TRHDE: variants seen among roughly 807,000 people sequenced by gnomAD.
TRHDE encodes thyrotropin-releasing hormone-degrading ectoenzyme.
A neutral mutation model predicts 125.7 loss-of-function variants in TRHDE; 72 were observed. The observed-to-expected ratio is 0.57, with a 90% CI of 0.47 to 0.70. The LOEUF (loss-of-function observed/expected upper bound fraction) is 0.70. TRHDE is among the 30% of genes least tolerant of loss of function. The pLI is 0.00. For synonymous variants in TRHDE, 509 were observed against 509.1 expected (o/e 1.00, Z 0.00); for missense variants, 1,110 against 1,327.1 (o/e 0.84, Z 2.54).
chr12:72,428,488 G>A (rs1874284797), intron 3 of TRHDE, among the ~76,000 whole-genome samples: 1 of 152,076 alleles, frequency 6.6e-6, no homozygotes, highest in African/African-American at 2.4e-5. Flanking sequence ...TTCTGTCTTT[G>A]AATGACAAAG....
chr12:72,635,959 T>G (rs1347934126), intron 15 of TRHDE, among the ~76,000 whole-genome samples: 1 of 151,902 alleles, frequency 6.6e-6, no homozygotes, highest in Non-Finnish European at 1.5e-5. Context: ...TTTGTTCTTT[T>G]GGCTTAGGAT....
chr12:72,660,653 A>G (rs1177262613), intron 18 of TRHDE, among the ~76,000 whole-genome samples: 2 of 152,188 alleles, frequency 1.3e-5, no homozygotes, highest in African/African-American at 4.8e-5. Flanking sequence ...AATGATTAAT[A>G]ATGTTTATAC....
intron 2 of TRHDE, among the ~76,000 whole-genome samples, chr12:72,288,746 T>C (rs1214559476): frequency 6.6e-6 from 1 of 152,108 alleles, no homozygotes; most frequent in Non-Finnish European, 1.5e-5. Flanking sequence ...AAGTGACCCA[T>C]GTTTTAAAGC....
intron 3 of TRHDE, among the ~76,000 whole-genome samples, chr12:72,381,685 C>T (rs566644031): frequency 3.0e-4 from 45 of 152,258 alleles, no homozygotes; most frequent in African/African-American, 7.7e-4. Flanking sequence ...CGTGAGCCAC[C>T]GCGCCCGGCC....
intron 6 of TRHDE, among the ~76,000 whole-genome samples, chr12:72,532,514 A>G (rs1868608284): frequency 6.6e-6 from 1 of 151,042 alleles, no homozygotes; most frequent in East Asian, 2.0e-4. Flanking sequence ...CTCATGTTTC[A>G]CTATTGAGTG....
At chr12:72,374,907 G>A (rs771734451) in intron 2 of TRHDE, among the ~76,000 whole-genome samples, 84 of 152,252 alleles carry the variant, frequency 5.5e-4, no homozygotes, top group South Asian at 1.9e-3. Context: ...ATTCTCAGAT[G>A]TGTTTTGGTT....
At chr12:72,168,408 A>G (rs1876799971) in intron 2 of TRHDE, among the ~76,000 whole-genome samples, 1 of 152,174 alleles carries the variant, frequency 6.6e-6, no homozygotes, top group African/African-American at 2.4e-5. Flanking sequence ...CATTTTGCTT[A>G]TATAAACAGA....
At chr12:72,333,734 G>C (rs1170690303) in intron 2 of TRHDE, among the ~76,000 whole-genome samples, 1 of 152,200 alleles carries the variant, frequency 6.6e-6, no homozygotes, top group Non-Finnish European at 1.5e-5. Context: ...CCATCAGATT[G>C]AGCGAGTGCT....
At chr12:72,569,476 AT>A (rs1362959463) in intron 10 of TRHDE, among the ~76,000 whole-genome samples, 1 of 152,100 alleles carries the variant, frequency 6.6e-6, no homozygotes, top group Non-Finnish European at 1.5e-5. Context: ...AAAGCCACAT[AT>A]TTTTTATTTG....
intron 6 of TRHDE, among the ~76,000 whole-genome samples, chr12:72,516,769 T>A (rs1878884055): frequency 6.6e-6 from 1 of 152,004 alleles, no homozygotes; most frequent in South Asian, 2.1e-4. Flanking sequence ...CAGTATGATA[T>A]TGGCTGTGGG....
At chr12:72,441,158 T>C (rs1387146785) in intron 3 of TRHDE, among the ~76,000 whole-genome samples, 1 of 151,934 alleles carries the variant, frequency 6.6e-6, no homozygotes, top group African/African-American at 2.4e-5. Context: ...AAATTTTAAC[T>C]ACTTGCAGTT....
chr12:72,380,264 C>G (rs1249332262), intron 3 of TRHDE, among the ~76,000 whole-genome samples: 1 of 152,096 alleles, frequency 6.6e-6, no homozygotes, highest in Admixed American at 6.5e-5. Context: ...ATGAACAAGG[C>G]AAAAATCTCC....
At chr12:72,260,806 TGTCCCAGAATC>T (rs1878934081) in intron 2 of TRHDE, among the ~76,000 whole-genome samples, 2 of 152,332 alleles carry the variant, frequency 1.3e-5, no homozygotes, top group East Asian at 3.9e-4. Flanking sequence ...AAGGACAGTA[TGTCCCAGAATC>T]TTTGCTTACT....
At chr12:72,619,439 A>C (rs891932281) in intron 13 of TRHDE, among the ~76,000 whole-genome samples, 9 of 152,210 alleles carry the variant, frequency 5.9e-5, no homozygotes, top group African/African-American at 2.2e-4. Context: ...CCAAAAGGGC[A>C]TACTGAATTC....
intron 2 of TRHDE, among the ~76,000 whole-genome samples, chr12:72,191,051 A>C (rs781523520): frequency 6.6e-6 from 1 of 152,240 alleles, no homozygotes; most frequent in Non-Finnish European, 1.5e-5. Flanking sequence ...CCTCTCCTAT[A>C]GTATTCTATA....
chr12:72,208,849 C>T (rs917236801), intron 2 of TRHDE, among the ~76,000 whole-genome samples: 1 of 152,172 alleles, frequency 6.6e-6, no homozygotes, highest in African/African-American at 2.4e-5. Flanking sequence ...CCACGATCAA[C>T]ATTTCTGAAT....
At chr12:72,327,646 T>A (rs566887701) in intron 2 of TRHDE, among the ~76,000 whole-genome samples, 15 of 152,314 alleles carry the variant, frequency 9.8e-5, no homozygotes, top group African/African-American at 2.4e-4. Flanking sequence ...GAGATTTTTT[T>A]AGGAAATTTT....
At chr12:72,572,980 G>T (rs576538017) in intron 10 of TRHDE, among the ~76,000 whole-genome samples, 7 of 151,874 alleles carry the variant, frequency 4.6e-5, no homozygotes, top group Admixed American at 2.0e-4. Context: ...TAAACTTGGT[G>T]CTTTAACATT....
intron 3 of TRHDE, among the ~76,000 whole-genome samples, chr12:72,423,108 A>G (rs1874028249): frequency 6.6e-6 from 1 of 152,102 alleles, no homozygotes. Context: ...ATTCTTCCTT[A>G]TGTTAAAACT....
Sources: gnomAD v4.1 joint callset for allele counts (sites outside exome capture counted in the v4.1 genomes callset) on GRCh38, gnomAD v4.1.1 for gene constraint, MANE v1.5 for transcripts, NCBI Gene and HGNC (gene_info 2026-07-23, HGNC 2026-07-21) for gene names.